The following ITPKA variants were observed in gnomAD, a reference collection of about 807,000 sequenced individuals.
ITPKA encodes the protein inositol-trisphosphate 3-kinase A, also known as IP3 3-kinase A.
Under a neutral mutation model 40.7 loss-of-function variants are expected in ITPKA, and 16 were observed. The ratio of observed to expected loss-of-function variants is 0.39; its 90% CI spans 0.27 to 0.60. The LOEUF (loss-of-function observed/expected upper bound fraction) is 0.60. ITPKA is among the 20% of genes least tolerant of loss of function. The pLI, the probability that ITPKA is intolerant of heterozygous loss-of-function variation, is 0.50. For missense variants in ITPKA, 540 were observed against 649.3 expected, an observed-to-expected ratio of 0.83 and a Z score of 1.83; for synonymous variants, 313 against 289.9, an observed-to-expected ratio of 1.08 and a Z score of -0.81.
rs796104293 is a variant in ITPKA at position 41,502,334 on chromosome 15, G to A, written c.1009-68G>A. 3.1e-5 allele frequency: 41 copies of A among 1,335,118 alleles called. No homozygotes were observed. The African/African-American group carries it at 5.2e-4, about 17-fold the overall frequency. The allele number at this position is 1,335,118 out of a possible 1,614,324, so 82.7% of individuals were successfully genotyped here. On this transcript the variant is annotated intron_variant, in intron 4 of 6. Transcript: ENST00000260386. ...CCGTCCCCTGCAACTGGGAGGTACC[G>A]CTGCTCTACGCTGTCCTCTTCCCCA...
chr15:41,494,164 C>T lies in ITPKA; in HGVS notation c.237C>T (p.Ile79=), dbSNP rs1390004838. 3 of 1,506,034 alleles carry T rather than the reference C, an allele frequency of 2.0e-6. No individual in the cohort carries two copies. Among genetic ancestry groups the T allele is most frequent in the Non-Finnish European group, 2.6e-6 (3 of 1,134,688 alleles). 93.3% of individuals were successfully genotyped at this position (1,506,034 alleles called of 1,614,324 possible). Residue 79 remains isoleucine, a synonymous_variant, in exon 1 of 7, where the codon ATC becomes ATT. Transcript: ENST00000260386. This position sits in a 1 kb window ranked among gnomAD's most constrained non-coding sequence, Gnocchi z 7.8. ...CGCGGGCTCCCCCGGCCCCGGTGAT[C>T]CCTCAGCTGACCGTGACAGCCGAGG... ...GLPRAPPAPV[I]PQLTVTAEEP...
intron 1 of ITPKA, among the ~76,000 whole-genome samples, chr15:41,501,075 G>T (rs1196650378): frequency 1.3e-5 from 2 of 150,042 alleles, no homozygotes; most frequent in African/African-American, 4.9e-5. Context: ...CCTGCGGTAG[G>T]CCTGATAATC....
intron 1 of ITPKA, among the ~76,000 whole-genome samples, chr15:41,499,592 C>A (rs1348676479): frequency 2.0e-5 from 3 of 152,292 alleles, no homozygotes; most frequent in African/African-American, 7.2e-5. Context: ...GGTCAGCAGC[C>A]CTCTTCTACT....
chr15:41,496,601 G>C (rs1444909531), intron 1 of ITPKA, among the ~76,000 whole-genome samples: 2 of 152,214 alleles, frequency 1.3e-5, no homozygotes, highest in Non-Finnish European at 2.9e-5. Flanking sequence ...GGTATTGCTG[G>C]AGGAAAAGAG....
At position 41,502,874 on chromosome 15, in the gene ITPKA, C is replaced by T; in HGVS notation, c.1182+15C>T. The T allele has an allele frequency of 6.2e-7, 1 of 1,610,364 alleles. No individual in the cohort carries two copies. Among genetic ancestry groups the T allele is most frequent in the Non-Finnish European group, 8.5e-7 (1 of 1,178,590 alleles). On this transcript the variant is annotated intron_variant, in intron 6 of 6. Coordinates refer to ENST00000260386, the MANE Select transcript of ITPKA (RefSeq NM_002220.3). ...GGAGGCACGAGGTAAGCGGCGGCTG[C>T]CCGGGTGCCCGGGCCGCGAGGGCTA...
At chr15:41,500,884 C>T (rs1333905884) in intron 1 of ITPKA, among the ~76,000 whole-genome samples, 1 of 151,866 alleles carries the variant, frequency 6.6e-6, no homozygotes. Flanking sequence ...TGGTGTGCAC[C>T]TGTAGTCTCA....
intron 1 of ITPKA, among the ~76,000 whole-genome samples, chr15:41,495,282 C>T (rs1282010147): frequency 6.6e-6 from 1 of 152,232 alleles, no homozygotes; most frequent in Non-Finnish European, 1.5e-5. Context: ...TGTCCGTGGT[C>T]AGCGCGAAGG....
chr15:41,495,889 G>A (rs1197308687), intron 1 of ITPKA, among the ~76,000 whole-genome samples: 3 of 152,376 alleles, frequency 2.0e-5, no homozygotes, highest in African/African-American at 7.2e-5. Context: ...CTGGGAGAGG[G>A]AGTGCGCTAG....
At chr15:41,499,108 C>A (rs2051093136) in intron 1 of ITPKA, among the ~76,000 whole-genome samples, 1 of 152,188 alleles carries the variant, frequency 6.6e-6, no homozygotes, top group African/African-American at 2.4e-5. Flanking sequence ...GCACATACAT[C>A]ATCTTCCTGG....
Position 41,494,338 on chromosome 15 carries a change from G to T in ITPKA, c.411G>T (p.Ser137=). Reference sequence around the variant, plus strand: ...GCTCCTCGTCGCTGCTCGAGGACTCGGAGGACGACCTGCTGAGCGACAGTG... The same window carrying T: ...GCTCCTCGTCGCTGCTCGAGGACTCTGAGGACGACCTGCTGAGCGACAGTG... ...STGSSSLLED[S]EDDLLSDSES... Residue 137 remains serine (S), a synonymous_variant, in exon 1 of 7, where the codon TCG becomes TCT. Transcript: ENST00000260386. The surrounding 1 kb of genome is among the most constrained non-coding windows in gnomAD (Gnocchi z 7.8). The T allele has an allele frequency of 6.5e-7, 1 of 1,528,008 alleles. No homozygotes were observed. Among genetic ancestry groups the T allele is most frequent in the Non-Finnish European group, 8.7e-7 (1 of 1,144,390 alleles). The allele number at this position is 1,528,008 out of a possible 1,614,324, so 94.7% of individuals were successfully genotyped here.
Position 41,502,510 on chromosome 15 carries a change from G to T in ITPKA, c.1110+7G>T. On this transcript the variant is annotated splice_region_variant and intron_variant, in intron 5 of 6. Transcript: ENST00000260386. The stretch of plus-strand genomic sequence containing the variant: ...AGGAGATGAGGAAGTGCTGGTGAGA[G>T]CGGGATCCCAAACCCTGAGGTGTTG... 1 of 1,520,856 alleles carries T rather than the reference G, an allele frequency of 6.6e-7. No individual in the cohort carries two copies. The highest frequency in any genetic ancestry group is 9.1e-7 in the Non-Finnish European group (1 of 1,096,626). The allele number at this position is 1,520,856 out of a possible 1,614,324, so 94.2% of individuals were successfully genotyped here.
chr15:41,502,710 TC>T (rs2051126994), intron 5 of ITPKA, 77 bp from the exon 6 acceptor site: 1 of 1,344,234 alleles, frequency 7.4e-7, no homozygotes, highest in Non-Finnish European at 1.0e-6. Flanking sequence ...ACAGCGTGGG[TC>T]CCGGCTCCTC....
At chr15:41,499,855 G>C (rs904450493) in intron 1 of ITPKA, among the ~76,000 whole-genome samples, 11 of 151,784 alleles carry the variant, frequency 7.2e-5, no homozygotes, top group African/African-American at 2.4e-4. Flanking sequence ...AAGAGATAAG[G>C]GGCACACCAA....
Position 41,501,569 on chromosome 15 carries a change from G to A in ITPKA, c.586+10G>A, listed in dbSNP as rs761154926. The A allele has an allele frequency of 2.6e-6, 4 of 1,535,690 alleles. No individual in the cohort carries two copies. In the African/African-American group the frequency reaches 5.5e-5, roughly 21 times the overall value. ...CTGGCAGGGCACACTGGTGAGCAGT[G>A]GGGCGGGTGGGCGGGTGCCCGCGAC... is the stretch of plus-strand genomic sequence containing the variant. On this transcript the variant is annotated intron_variant, in intron 2 of 6. Transcript: ENST00000260386.
chr15:41,498,801 T>C (rs1384325818), intron 1 of ITPKA, among the ~76,000 whole-genome samples: 1 of 152,172 alleles, frequency 6.6e-6, no homozygotes, highest in African/African-American at 2.4e-5. Flanking sequence ...CACAAAGCAC[T>C]TTCTCAGGCC....
rs1014489391 is a variant in ITPKA at position 41,494,510 on chromosome 15, C to T, written c.489+94C>T. The T allele has an allele frequency of 5.8e-6, 5 of 863,234 alleles. No homozygotes were observed. Among genetic ancestry groups the T allele is most frequent in the Non-Finnish European group, 8.2e-6 (5 of 607,586 alleles). 53.5% of individuals were successfully genotyped at this position (863,234 alleles called of 1,614,324 possible). On this transcript the variant is annotated intron_variant, in intron 1 of 6. Coordinates refer to ENST00000260386, the MANE Select transcript of ITPKA (RefSeq NM_002220.3). The surrounding 1 kb of genome is among the most constrained non-coding windows in gnomAD (Gnocchi z 7.8). The stretch of plus-strand genomic sequence containing the variant: ...CGGAGGACCCGCTCCTGTCCATGCT[C>T]CCTCCAGCGGAAGGTCCTGTTCTCG...
chr15:41,502,997 A>G lies in ITPKA; in HGVS notation c.1217A>G (p.His406Arg), dbSNP rs1376903907. ...AGCTCGCTCCTCTTTGTGCACGATC[A>G]CTGCCATCGCGCCGGCGTGTGGCTC... Reference protein sequence around the residue: ...IGSSLLFVHDHCHRAGVWLID... With the variant: ...IGSSLLFVHDRCHRAGVWLID... Residue 406 changes from histidine to arginine, a missense_variant, in exon 7 of 7, where the codon CAC (histidine) becomes CGC (arginine). Physicochemically the swap from His to Arg is conservative, Grantham distance 29. Coordinates refer to ENST00000260386, the MANE Select transcript of ITPKA (RefSeq NM_002220.3). 1.2e-6 allele frequency: 2 copies of G among 1,607,080 alleles called. No homozygotes were observed. The highest frequency in any genetic ancestry group is 2.7e-5 in the African/African-American group (2 of 74,802).
intron 1 of ITPKA, among the ~76,000 whole-genome samples, chr15:41,498,877 G>A (rs969881568): frequency 1.3e-5 from 2 of 152,234 alleles, no homozygotes; most frequent in Non-Finnish European, 1.5e-5. Flanking sequence ...TTTGGAACCT[G>A]CTGGGGCAGT....
At chr15:41,495,485 G>A (rs2051064474) in intron 1 of ITPKA, among the ~76,000 whole-genome samples, 2 of 152,226 alleles carry the variant, frequency 1.3e-5, no homozygotes, top group African/African-American at 2.4e-5. Context: ...CGACCTGCAG[G>A]GGTTCACAAG....
Sources: allele counts gnomAD v4.1 joint callset (sites outside exome capture counted in the v4.1 genomes callset), GRCh38; gene constraint gnomAD v4.1.1; non-coding constraint Gnocchi (gnomAD v3.1); transcripts MANE v1.5; gene names NCBI Gene and HGNC (gene_info 2026-07-23, HGNC 2026-07-21).